BTC: variants seen among roughly 807,000 people sequenced by gnomAD.
BTC encodes probetacellulin.
BTC carries 13 observed loss-of-function variants against 18.1 expected under a neutral mutation model. The observed-to-expected ratio is 0.72, with a 90% confidence interval of 0.47 to 1.14. The LOEUF is 1.14. BTC is among the 50% of genes most tolerant of loss of function. BTC has a pLI of 0.00. For synonymous variants in BTC, 83 were observed against 79.4 expected (o/e 1.05, Z -0.24); for missense variants, 247 against 224.2 (o/e 1.10, Z -0.65).
At chr4:74,773,297 G>A (rs1560719150) in intron 1 of BTC, among the ~76,000 whole-genome samples, 1 of 152,152 alleles carries the variant, frequency 6.6e-6, no homozygotes, top group African/African-American at 2.4e-5. Flanking sequence ...TAAGAAGCAG[G>A]TGACCCCTTT....
chr4:74,760,810 C>A (rs1724735178), intron 2 of BTC, among the ~76,000 whole-genome samples: 1 of 151,408 alleles, frequency 6.6e-6, no homozygotes, highest in African/African-American at 2.4e-5. Context: ...TCTCGGCTCA[C>A]TGCAAGCTCC....
In BTC at chr4:74,770,059, T is replaced by A; in HGVS notation, c.162A>T (p.Ala54=). Residue 54 remains alanine, a splice_region_variant and synonymous_variant, in exon 2 of 6, where the codon GCA becomes GCT. Coordinates refer to ENST00000395743, the MANE Select transcript of BTC (RefSeq NM_001729.4). ...AATATAAAACTTGTTAAACTTTACC[T>A]GCACAGTTTTCCTCAGGGTCTCCAC... ...LLCGDPEENC[A]ATTTQSKRKG... is the part of the protein sequence containing the mutation. The A allele has an allele frequency of 2.5e-6, 4 of 1,604,390 alleles. No homozygotes were observed. The highest frequency in any genetic ancestry group is 3.4e-6 in the Non-Finnish European group (4 of 1,176,640).
At chr4:74,749,678 A>ATTTTTTTTTTTTTTTTTTT in intron 4 of BTC, among the ~76,000 whole-genome samples, 1 of 90,592 alleles carries the variant, frequency 1.1e-5, no homozygotes, top group Non-Finnish European at 2.3e-5. Context: ...TTAATAAGAT[A>ATTTTTTTTTTTTTTTTTTT]GTTTTTTTTG....
At chr4:74,791,235 G>T (rs534738533) in intron 1 of BTC, among the ~76,000 whole-genome samples, 1 of 152,126 alleles carries the variant, frequency 6.6e-6, no homozygotes, top group Non-Finnish European at 1.5e-5. Context: ...CCAGCTACTC[G>T]AGAGGCTGAG....
At chr4:74,757,158 C>T (rs9307117) in intron 2 of BTC, among the ~76,000 whole-genome samples, 65,325 of 151,988 alleles carry the variant, frequency 0.43, 14,307 homozygotes, top group East Asian at 0.62. Context: ...TGGCACCTGG[C>T]ATCCCAATGA....
At chr4:74,772,681 T>G (rs914637401) in intron 1 of BTC, among the ~76,000 whole-genome samples, 1 of 151,518 alleles carries the variant, frequency 6.6e-6, no homozygotes, top group African/African-American at 2.4e-5. Context: ...CTAAATCTCA[T>G]AGAGATTCCG....
chr4:74,779,569 G>A (rs1375107298), intron 1 of BTC, among the ~76,000 whole-genome samples: 1 of 152,134 alleles, frequency 6.6e-6, no homozygotes, highest in African/African-American at 2.4e-5. Flanking sequence ...AGTTCAAAGA[G>A]AGGAGGTGAA....
intron 1 of BTC, among the ~76,000 whole-genome samples, chr4:74,785,583 C>T (rs1159528555): frequency 6.6e-6 from 1 of 152,132 alleles, no homozygotes; most frequent in African/African-American, 2.4e-5. Context: ...GACGAATAGC[C>T]AAACTGGCTA....
At chr4:74,755,560 C>T (rs1724574685) in intron 3 of BTC, among the ~76,000 whole-genome samples, 2 of 152,228 alleles carry the variant, frequency 1.3e-5, no homozygotes, top group Admixed American at 1.3e-4. Context: ...ATTTGAACCA[C>T]CCAGGAGATT....
At chr4:74,762,726 G>T (rs781817641) in intron 2 of BTC, among the ~76,000 whole-genome samples, 7 of 152,112 alleles carry the variant, frequency 4.6e-5, no homozygotes, top group Admixed American at 2.6e-4. Context: ...CTTAGATACT[G>T]AGAGATCAAG....
intron 2 of BTC, among the ~76,000 whole-genome samples, chr4:74,761,782 C>A (rs1305438236): frequency 1.3e-5 from 2 of 152,168 alleles, no homozygotes; most frequent in African/African-American, 2.4e-5. Flanking sequence ...CTGGAAATAG[C>A]TTCTATGACG....
intron 2 of BTC, 112 bp downstream of exon 2, chr4:74,769,946 G>T: frequency 1.2e-6 from 1 of 844,770 alleles, no homozygotes; most frequent in Non-Finnish European, 1.9e-6. Flanking sequence ...AAAGCACTTA[G>T]CACAGTGACT....
chr4:74,789,014 AGTT>A (rs1198686521), intron 1 of BTC, among the ~76,000 whole-genome samples: 2 of 152,200 alleles, frequency 1.3e-5, no homozygotes, highest in African/African-American at 4.8e-5. Context: ...GAAACACAAA[AGTT>A]CACATCAAGA....
intron 2 of BTC, among the ~76,000 whole-genome samples, chr4:74,766,409 T>C (rs1054509445): frequency 1.8e-4 from 27 of 152,256 alleles, no homozygotes; most frequent in African/African-American, 6.0e-4. Context: ...AAAAATATTT[T>C]CTTTGTATCT....
Position 74,794,522 on chromosome 4 carries a change from A to C in BTC, c.-197T>G. The C allele has an allele frequency of 1.6e-6, 1 of 606,916 alleles. No homozygotes were observed. Among genetic ancestry groups the C allele is most frequent in the Non-Finnish European group, 2.8e-6 (1 of 353,746 alleles). 37.6% of individuals were successfully genotyped at this position (606,916 alleles called of 1,614,324 possible). ...GGCGGGAGGCCGGCCGGCTCCGTGA[A>C]TGTCGCCGGGAGGAGGGAGCCTCCT... On this transcript the variant is annotated 5_prime_UTR_variant, in exon 1 of 6. Coordinates refer to ENST00000395743, the MANE Select transcript of BTC (RefSeq NM_001729.4).
intron 5 of BTC, among the ~76,000 whole-genome samples, chr4:74,747,131 C>A (rs1724312900): frequency 6.6e-6 from 1 of 152,182 alleles, no homozygotes; most frequent in Non-Finnish European, 1.5e-5. Flanking sequence ...TCATTTTAAG[C>A]CAGTTTGAGT....
chr4:74,747,698 A>C (rs1193818674), intron 5 of BTC, among the ~76,000 whole-genome samples: 1 of 152,180 alleles, frequency 6.6e-6, no homozygotes, highest in Non-Finnish European at 1.5e-5. Context: ...TAAATGCTCA[A>C]TATATGTAGT....
intron 1 of BTC, among the ~76,000 whole-genome samples, chr4:74,780,418 G>C (rs1353120452): frequency 1.3e-5 from 2 of 152,108 alleles, no homozygotes; most frequent in East Asian, 3.9e-4. Context: ...ATTATTTTGT[G>C]TAGTCTCATC....
chr4:74,779,729 A>T (rs995481603), intron 1 of BTC, among the ~76,000 whole-genome samples: 19 of 152,270 alleles, frequency 1.2e-4, no homozygotes, highest in African/African-American at 4.3e-4. Context: ...TGGTAAAGAA[A>T]AGAACATAAG....
Sources: gnomAD v4.1 joint callset for allele counts (sites outside exome capture counted in the v4.1 genomes callset) on GRCh38, gnomAD v4.1.1 for gene constraint, MANE v1.5 for transcripts, NCBI Gene and HGNC (gene_info 2026-07-23, HGNC 2026-07-21) for gene names.